Variants in STK32A observed in about 807,000 individuals in gnomAD.
STK32A encodes serine/threonine-protein kinase 32A.
In STK32A, 41 loss-of-function variants were observed where a neutral mutation model predicts 53.2. That is an observed-to-expected ratio of 0.77 (90% CI 0.60 to 1.00). The LOEUF is 1.00. Among genes scored for constraint, STK32A ranks in the 50% least tolerant of loss-of-function variants. STK32A has a pLI of 0.00. For missense variants in STK32A, 458 were observed against 485.8 expected (o/e 0.94, Z 0.54); for synonymous variants, 166 against 162.8 (o/e 1.02, Z -0.15).
intron 2 of STK32A, among the ~76,000 whole-genome samples, chr5:147,261,791 C>G (rs974276046): frequency 2.6e-5 from 4 of 151,976 alleles, no homozygotes; most frequent in African/African-American, 9.7e-5. Flanking sequence ...TATGAGGAAC[C>G]CTGAAAATTA....
rs1432457416 is a variant in STK32A, at chr5:147,384,018, C to G, written c.*35C>G. Reference sequence around the variant, plus strand: ...GTCTTCTTCTTGGGACAATCTCATGCCAGAAACTTCTAATTACATATGTCA... The same window carrying G: ...GTCTTCTTCTTGGGACAATCTCATGGCAGAAACTTCTAATTACATATGTCA... On this transcript the variant is annotated 3_prime_UTR_variant, in exon 13 of 13. Transcript: ENST00000397936. 1 of 1,582,694 alleles carries G rather than the reference C, an allele frequency of 6.3e-7. No homozygotes were observed. The highest frequency in any genetic ancestry group is 1.9e-5 in the Admixed American group (1 of 52,446).
At chr5:147,352,665 AGAAAAGATACCTG>A (rs1756039251) in intron 7 of STK32A, among the ~76,000 whole-genome samples, 1 of 152,236 alleles carries the variant, frequency 6.6e-6, no homozygotes, top group Admixed American at 6.5e-5. Flanking sequence ...AGTGACTGCA[AGAAAAGATACCTG>A]GAATTTAATT....
intron 4 of STK32A, among the ~76,000 whole-genome samples, chr5:147,301,656 G>A (rs747609685): frequency 2.2e-4 from 33 of 152,056 alleles, no homozygotes; most frequent in Non-Finnish European, 3.1e-4. Flanking sequence ...ATTTCATCAC[G>A]CAGAAATATC....
intron 10 of STK32A, among the ~76,000 whole-genome samples, chr5:147,374,880 C>T (rs1249181619): frequency 6.6e-6 from 1 of 152,098 alleles, no homozygotes; most frequent in Non-Finnish European, 1.5e-5. Flanking sequence ...TGTTTTTACT[C>T]ATTGAGGCCT....
chr5:147,396,778 T>C, the STK32A span, among the ~76,000 whole-genome samples: 1 of 151,730 alleles, frequency 6.6e-6, no homozygotes, highest in Non-Finnish European at 1.5e-5. Flanking sequence ...CAAACTGGAG[T>C]GTGGAGCTCA....
At chr5:147,333,350 T>G (rs964727039) in intron 5 of STK32A, among the ~76,000 whole-genome samples, 9 of 152,198 alleles carry the variant, frequency 5.9e-5, no homozygotes, top group African/African-American at 2.2e-4. Flanking sequence ...TGCATATAGT[T>G]TTATATCCTT....
chr5:147,353,881 T>C (rs958457765), intron 7 of STK32A, among the ~76,000 whole-genome samples: 2 of 152,118 alleles, frequency 1.3e-5, no homozygotes, highest in Non-Finnish European at 2.9e-5. Flanking sequence ...TTAAGTCGGG[T>C]GGAATGAATT....
chr5:147,351,361 TA>T (rs924441841), intron 7 of STK32A, among the ~76,000 whole-genome samples: 1 of 152,124 alleles, frequency 6.6e-6, no homozygotes, highest in African/African-American at 2.4e-5. Context: ...TTTGAAAACT[TA>T]CTTCGTGTGT....
intron 2 of STK32A, among the ~76,000 whole-genome samples, chr5:147,244,500 C>A (rs557250113): frequency 6.6e-6 from 1 of 152,284 alleles, no homozygotes; most frequent in African/African-American, 2.4e-5. Context: ...TGGGACACAG[C>A]CTGGCATGAT....
chr5:147,270,386 A>G (rs1243728794), intron 2 of STK32A, among the ~76,000 whole-genome samples: 3 of 112,154 alleles, frequency 2.7e-5, no homozygotes, highest in African/African-American at 3.7e-5. Flanking sequence ...CTAATGTTTA[A>G]TTTTTTTGTT....
intron 4 of STK32A, among the ~76,000 whole-genome samples, chr5:147,306,141 G>A (rs896947676): frequency 2.0e-5 from 3 of 151,930 alleles, no homozygotes; most frequent in Non-Finnish European, 4.4e-5. Context: ...TTAACTCTGG[G>A]TGTTCCAGCA....
intron 5 of STK32A, among the ~76,000 whole-genome samples, chr5:147,333,788 C>T (rs1754987622): frequency 6.6e-6 from 1 of 152,100 alleles, no homozygotes; most frequent in African/African-American, 2.4e-5. Context: ...CAAATCATTA[C>T]ACATTCTTAT....
At chr5:147,302,074 G>C (rs1456638812) in intron 4 of STK32A, among the ~76,000 whole-genome samples, 1 of 152,116 alleles carries the variant, frequency 6.6e-6, no homozygotes, top group Non-Finnish European at 1.5e-5. Flanking sequence ...TGCCACAAAA[G>C]AAAACATATT....
chr5:147,393,473 C>T, the STK32A span: 2,002 of 153,054 alleles, frequency 0.013, 139 homozygotes, highest in East Asian at 0.2. Flanking sequence ...CTCGGCAGAC[C>T]CTAGGGAGCT....
chr5:147,250,820 T>C (rs912574743), intron 2 of STK32A, among the ~76,000 whole-genome samples: 19 of 151,464 alleles, frequency 1.3e-4, no homozygotes, highest in Non-Finnish European at 2.7e-4. Context: ...CGGGTGCCTG[T>C]AGTCCCAGCT....
intron 5 of STK32A, among the ~76,000 whole-genome samples, chr5:147,342,281 C>CG (rs1755461278): frequency 1.3e-5 from 2 of 152,134 alleles, no homozygotes; most frequent in African/African-American, 4.8e-5. Context: ...GTCCCATATC[C>CG]ATAAACAGAA....
At chr5:147,345,457 T>A (rs1755638133) in intron 6 of STK32A, among the ~76,000 whole-genome samples, 1 of 152,242 alleles carries the variant, frequency 6.6e-6, no homozygotes, top group South Asian at 2.1e-4. Flanking sequence ...TGTTTCTTTG[T>A]CTATGCTAAC....
At chr5:147,322,859 T>C (rs1754385591) in intron 4 of STK32A, among the ~76,000 whole-genome samples, 1 of 152,164 alleles carries the variant, frequency 6.6e-6, no homozygotes, top group Admixed American at 6.5e-5. Flanking sequence ...GAAGCCCATG[T>C]CTGATCCTGC....
At chr5:147,395,009 A>G in the STK32A span, among the ~76,000 whole-genome samples, 4 of 152,202 alleles carry the variant, frequency 2.6e-5, no homozygotes, top group Non-Finnish European at 4.4e-5. Flanking sequence ...TTCTAATTAT[A>G]TCAGAGAGTT....
Sources: allele counts gnomAD v4.1 joint callset (sites outside exome capture counted in the v4.1 genomes callset), GRCh38; gene constraint gnomAD v4.1.1; transcripts MANE v1.5; gene names NCBI Gene and HGNC (gene_info 2026-07-23, HGNC 2026-07-21).